Variants in KCNQ5 observed in about 807,000 individuals in gnomAD.
The protein encoded by KCNQ5 is potassium voltage-gated channel subfamily KQT member 5.
In KCNQ5, 30 loss-of-function variants were observed where a neutral mutation model predicts 98.2. The ratio of observed to expected loss-of-function variants is 0.31; its 90% CI spans 0.23 to 0.41. The LOEUF (loss-of-function observed/expected upper bound fraction) is 0.41. Among genes scored for constraint, KCNQ5 ranks in the 10% least tolerant of loss-of-function variants. KCNQ5 has a pLI of 1.00. For synonymous variants in KCNQ5, 458 were observed against 449.4 expected, an observed-to-expected ratio of 1.02 and a Z score of -0.24; for missense variants, 835 against 1,182.5, an observed-to-expected ratio of 0.71 and a Z score of 4.31.
intron 1 of KCNQ5, among the ~76,000 whole-genome samples, chr6:72,956,874 C>T (rs908227894): frequency 1.4e-4 from 22 of 152,022 alleles, no homozygotes; most frequent in Admixed American, 5.9e-4. Flanking sequence ...AGAAGGACCA[C>T]TGGTTTAAGT....
At chr6:73,180,014 T>C (rs538689252) in intron 11 of KCNQ5, among the ~76,000 whole-genome samples, 11 of 152,228 alleles carry the variant, frequency 7.2e-5, no homozygotes, top group Admixed American at 2.6e-4. Context: ...AATGAATGAA[T>C]GAATGAATGG....
At chr6:72,950,468 A>C (rs563272972) in intron 1 of KCNQ5, among the ~76,000 whole-genome samples, 1 of 152,334 alleles carries the variant, frequency 6.6e-6, no homozygotes, top group African/African-American at 2.4e-5. Context: ...GATTATCGCC[A>C]ACTTGTTGGT....
chr6:72,943,328 G>A (rs1301713701), intron 1 of KCNQ5, among the ~76,000 whole-genome samples: 1 of 152,136 alleles, frequency 6.6e-6, no homozygotes, highest in East Asian at 1.9e-4. Context: ...AGTGTCAAAT[G>A]AATGCAAAGC....
intron 2 of KCNQ5, among the ~76,000 whole-genome samples, chr6:73,033,848 T>G (rs745935113): frequency 9.9e-5 from 15 of 152,130 alleles, no homozygotes; most frequent in Non-Finnish European, 1.9e-4. Flanking sequence ...CAGGTCAAAT[T>G]AGTCCCTTTG....
intron 1 of KCNQ5, among the ~76,000 whole-genome samples, chr6:72,800,684 C>G (rs975676776): frequency 1.3e-5 from 2 of 152,092 alleles, no homozygotes; most frequent in African/African-American, 4.8e-5. Flanking sequence ...AATGTGTTTG[C>G]TCTTGCTTTT....
rs748343027 is a variant in KCNQ5 at position 73,133,394 on chromosome 6, G to A, written c.1248-27G>A. 6.9e-6 allele frequency: 11 copies of A among 1,597,246 alleles called. No individual in the cohort carries two copies. In the South Asian group the frequency reaches 1.1e-4, roughly 16 times the overall value. The stretch of plus-strand genomic sequence containing the variant: ...AAAGTGGAAGAAATTGCTTGAAATG[G>A]AATAATCATGCCTCTGTTCTCCACA... On this transcript the variant is annotated intron_variant, in intron 9 of 13. Coordinates refer to ENST00000370398, the MANE Select transcript of KCNQ5 (RefSeq NM_019842.4).
At chr6:72,847,395 A>G (rs746868744) in intron 1 of KCNQ5, among the ~76,000 whole-genome samples, 5 of 152,172 alleles carry the variant, frequency 3.3e-5, no homozygotes, top group Non-Finnish European at 7.4e-5. Context: ...TCCTGGCCTC[A>G]GGTGATCTGT....
chr6:73,132,599 A>T (rs1406033800), intron 9 of KCNQ5, among the ~76,000 whole-genome samples: 1 of 152,220 alleles, frequency 6.6e-6, no homozygotes, highest in African/African-American at 2.4e-5. Context: ...TTTGGATTTT[A>T]TGATTGTTGT....
At chr6:72,693,482 G>A (rs1486481632) in intron 1 of KCNQ5, among the ~76,000 whole-genome samples, 1 of 152,136 alleles carries the variant, frequency 6.6e-6, no homozygotes, top group Admixed American at 6.6e-5. Context: ...TAACAAAGCT[G>A]TTAGTGATGG....
intron 1 of KCNQ5, among the ~76,000 whole-genome samples, chr6:72,623,836 A>G (rs138537516): frequency 1.8e-4 from 28 of 152,356 alleles, no homozygotes; most frequent in African/African-American, 5.3e-4. Flanking sequence ...GAAATAAGTT[A>G]TGTCATCCAT....
At chr6:72,696,164 T>G (rs1489668825) in intron 1 of KCNQ5, among the ~76,000 whole-genome samples, 1 of 152,166 alleles carries the variant, frequency 6.6e-6, no homozygotes, top group East Asian at 1.9e-4. Context: ...CAAAGATATC[T>G]AAAAGGTTGT....
intron 1 of KCNQ5, among the ~76,000 whole-genome samples, chr6:72,719,068 G>T (rs954852924): frequency 6.6e-6 from 1 of 152,114 alleles, no homozygotes; most frequent in African/African-American, 2.4e-5. Flanking sequence ...TCTCCTATTT[G>T]TTGGGATCTG....
chr6:72,949,179 A>T (rs1285126880), intron 1 of KCNQ5, among the ~76,000 whole-genome samples: 2 of 152,150 alleles, frequency 1.3e-5, no homozygotes, highest in African/African-American at 2.4e-5. Flanking sequence ...ACTAATATTA[A>T]TTTTCTACAG....
chr6:72,913,427 A>G (rs187433574), intron 1 of KCNQ5, among the ~76,000 whole-genome samples: 28 of 152,214 alleles, frequency 1.8e-4, no homozygotes, highest in African/African-American at 6.0e-4. Flanking sequence ...CTGAGGACCA[A>G]TGGGAGACTT....
chr6:73,054,565 T>C (rs187755101), intron 3 of KCNQ5, among the ~76,000 whole-genome samples: 162 of 152,238 alleles, frequency 1.1e-3, no homozygotes, highest in African/African-American at 3.2e-3. Context: ...ATGTGATTCA[T>C]CACATAAACA....
chr6:72,902,229 A>G (rs923046389), intron 1 of KCNQ5, among the ~76,000 whole-genome samples: 3 of 152,216 alleles, frequency 2.0e-5, no homozygotes, highest in Non-Finnish European at 2.9e-5. Flanking sequence ...TATCAGTTCT[A>G]GGAACTTTCT....
chr6:72,777,948 T>A (rs1226025200), intron 1 of KCNQ5, among the ~76,000 whole-genome samples: 2 of 152,200 alleles, frequency 1.3e-5, no homozygotes, highest in Non-Finnish European at 2.9e-5. Context: ...CAAATGCCTG[T>A]AGAATATTCA....
At chr6:72,966,263 T>TG (rs1463464039) in intron 1 of KCNQ5, among the ~76,000 whole-genome samples, 1 of 152,142 alleles carries the variant, frequency 6.6e-6, no homozygotes, top group Non-Finnish European at 1.5e-5. Flanking sequence ...TTTTGTATTA[T>TG]AAAAAGAAAA....
intron 5 of KCNQ5, among the ~76,000 whole-genome samples, chr6:73,098,767 T>G (rs1246896817): frequency 6.6e-6 from 1 of 152,074 alleles, no homozygotes; most frequent in African/African-American, 2.4e-5. Flanking sequence ...TTCTTTAGTT[T>G]GAAAGAAAAA....
Sources: gnomAD v4.1 joint callset for allele counts (sites outside exome capture counted in the v4.1 genomes callset) on GRCh38, gnomAD v4.1.1 for gene constraint, MANE v1.5 for transcripts, NCBI Gene and HGNC (gene_info 2026-07-23, HGNC 2026-07-21) for gene names.